EPHA5: variants seen among roughly 807,000 people sequenced by gnomAD.
The protein encoded by EPHA5 is ephrin type-A receptor 5.
Under a neutral mutation model 105.0 loss-of-function variants are expected in EPHA5, and 60 were observed. The observed-to-expected ratio is 0.57, with a 90% CI of 0.46 to 0.71. The LOEUF (loss-of-function observed/expected upper bound fraction) is 0.71, where lower values mean the gene tolerates loss of function less well. Among genes scored for constraint, EPHA5 ranks in the 30% least tolerant of loss-of-function variants. EPHA5 has a pLI of 0.00. For synonymous variants in EPHA5, 513 were observed against 449.1 expected, an observed-to-expected ratio of 1.14 and a Z score of -1.80; for missense variants, 1,218 against 1,274.7, an observed-to-expected ratio of 0.96 and a Z score of 0.68.
At chr4:65,417,783 A>T (rs1265519191) in intron 6 of EPHA5, among the ~76,000 whole-genome samples, 5 of 152,038 alleles carry the variant, frequency 3.3e-5, no homozygotes. Flanking sequence ...TTTAATAGAA[A>T]CTCCTCCCTA....
chr4:65,665,918 G>A (rs1199131057), intron 1 of EPHA5, among the ~76,000 whole-genome samples: 2 of 152,188 alleles, frequency 1.3e-5, no homozygotes, highest in South Asian at 2.1e-4. Context: ...GTCCTGGTGA[G>A]GAAATGATTT....
chr4:65,522,894 A>ATCAC (rs1734892614), intron 3 of EPHA5, among the ~76,000 whole-genome samples: 1 of 151,948 alleles, frequency 6.6e-6, no homozygotes, highest in Admixed American at 6.6e-5. Flanking sequence ...TTTATTTTAA[A>ATCAC]TCACTCACTC....
chr4:65,604,720 C>T (rs966461119), intron 2 of EPHA5, among the ~76,000 whole-genome samples: 2 of 136,252 alleles, frequency 1.5e-5, no homozygotes, highest in African/African-American at 5.1e-5. Context: ...CAGCAAAAAT[C>T]AGGTATGTAA....
intron 3 of EPHA5, among the ~76,000 whole-genome samples, chr4:65,544,963 A>T (rs1201965261): frequency 6.7e-6 from 1 of 149,408 alleles, no homozygotes. Context: ...AGCCATTCCA[A>T]TTTTTTTTTC....
At chr4:65,497,173 C>T (rs1578256219) in intron 3 of EPHA5, among the ~76,000 whole-genome samples, 1 of 152,026 alleles carries the variant, frequency 6.6e-6, no homozygotes, top group East Asian at 1.9e-4. Flanking sequence ...AAGTATGACG[C>T]ATATTTGCTG....
At chr4:65,564,975 T>C (rs930656977) in intron 3 of EPHA5, among the ~76,000 whole-genome samples, 14 of 151,692 alleles carry the variant, frequency 9.2e-5, no homozygotes, top group Non-Finnish European at 1.8e-4. Flanking sequence ...TAGTAGTCTA[T>C]AATTTCCACT....
intron 3 of EPHA5, among the ~76,000 whole-genome samples, chr4:65,542,122 C>T (rs1486614914): frequency 6.6e-6 from 1 of 151,754 alleles, no homozygotes; most frequent in Non-Finnish European, 1.5e-5. Context: ...AAAAGGTTCA[C>T]ATCAGAAAGT....
intron 3 of EPHA5, among the ~76,000 whole-genome samples, chr4:65,561,151 A>T (rs1175120364): frequency 6.6e-6 from 1 of 152,058 alleles, no homozygotes; most frequent in Non-Finnish European, 1.5e-5. Context: ...CCTCCGTACC[A>T]ACTGTAACAT....
At chr4:65,667,374 AATTTT>A (rs1259991228) in intron 1 of EPHA5, among the ~76,000 whole-genome samples, 2 of 152,142 alleles carry the variant, frequency 1.3e-5, no homozygotes, top group East Asian at 3.9e-4. Flanking sequence ...ATATTTACAC[AATTTT>A]ATTTCCAATT....
At chr4:65,665,473 T>C (rs1055036214) in intron 1 of EPHA5, among the ~76,000 whole-genome samples, 1 of 152,122 alleles carries the variant, frequency 6.6e-6, no homozygotes, top group South Asian at 2.1e-4. Context: ...CAAAAACACA[T>C]ACTCTAAGTG....
intron 3 of EPHA5, chr4:65,574,208 T>G (rs541533155): frequency 3.1e-6 from 5 of 1,604,116 alleles, no homozygotes; most frequent in Non-Finnish European, 4.3e-6. Flanking sequence ...GCAAGATTGA[T>G]CAGAAAGCTG....
In EPHA5 at chr4:65,323,903, G is replaced by C. The variant is rs1223174661; in HGVS notation, c.*211C>G. 2 of 419,634 alleles carry C rather than the reference G, an allele frequency of 4.8e-6. No individual in the cohort carries two copies. Among genetic ancestry groups the C allele is most frequent in the Non-Finnish European group, 4.3e-6 (1 of 231,834 alleles). The allele number at this position is 419,634 out of a possible 1,614,324, so 26.0% of individuals were successfully genotyped here. On this transcript the variant is annotated 3_prime_UTR_variant, in exon 17 of 17. Coordinates refer to ENST00000613740, the MANE Select transcript of EPHA5 (RefSeq NM_001281766.3). Reference sequence around the variant, plus strand: ...TAACTTCATGTCCCTTTTAATGCAAGATATGTTTGCTTCATGAAAAATGAA... The same window carrying C: ...TAACTTCATGTCCCTTTTAATGCAACATATGTTTGCTTCATGAAAAATGAA...
At chr4:65,345,390 G>C (rs1435894372) in intron 14 of EPHA5, among the ~76,000 whole-genome samples, 4 of 152,222 alleles carry the variant, frequency 2.6e-5, no homozygotes, top group Non-Finnish European at 4.4e-5. Context: ...GAAATCATTC[G>C]TGGGAAAGCT....
intron 3 of EPHA5, among the ~76,000 whole-genome samples, chr4:65,567,378 C>G (rs1739659870): frequency 6.6e-6 from 1 of 151,528 alleles, no homozygotes; most frequent in Non-Finnish European, 1.5e-5. Flanking sequence ...CAATCCTCAT[C>G]ATTACAAAAA....
At chr4:65,325,072 T>A (rs187995189) in intron 16 of EPHA5, among the ~76,000 whole-genome samples, 4 of 151,512 alleles carry the variant, frequency 2.6e-5, no homozygotes, top group Admixed American at 2.0e-4. Context: ...GCATTAATTA[T>A]AGGAAAAAAT....
intron 3 of EPHA5, among the ~76,000 whole-genome samples, chr4:65,528,692 A>C (rs1390570612): frequency 1.3e-5 from 2 of 152,086 alleles, no homozygotes; most frequent in Non-Finnish European, 2.9e-5. Context: ...TTTTTTTCCA[A>C]CTTTGGTTAA....
chr4:65,487,932 ATTT>A (rs1393898295), intron 5 of EPHA5, among the ~76,000 whole-genome samples: 1 of 152,120 alleles, frequency 6.6e-6, no homozygotes, highest in Non-Finnish European at 1.5e-5. Flanking sequence ...AGTTTCCATA[ATTT>A]TTGTGTAAAA....
chr4:65,551,248 TTATA>T (rs201862252), intron 3 of EPHA5, among the ~76,000 whole-genome samples: 2 of 111,444 alleles, frequency 1.8e-5, no homozygotes, highest in African/African-American at 5.8e-5. Context: ...GTGTATATAT[TTATA>T]TATGTGTGTG....
At chr4:65,367,202 A>G (rs553936060) in intron 9 of EPHA5, among the ~76,000 whole-genome samples, 155 bp downstream of exon 9, 13 of 151,790 alleles carry the variant, frequency 8.6e-5, no homozygotes, top group African/African-American at 3.1e-4. Context: ...CCAAGCCCGT[A>G]TTCTTTACAG....
Sources: gnomAD v4.1 joint callset for allele counts (sites outside exome capture counted in the v4.1 genomes callset) on GRCh38, gnomAD v4.1.1 for gene constraint, MANE v1.5 for transcripts, NCBI Gene and HGNC (gene_info 2026-07-23, HGNC 2026-07-21) for gene names.